The following ROBO1 variants were observed in gnomAD, a reference collection of about 807,000 sequenced individuals.
ROBO1 encodes the protein roundabout homolog 1.
Under a neutral mutation model 195.9 loss-of-function variants are expected in ROBO1, and 149 were observed. The ratio of observed to expected loss-of-function variants is 0.76; its 90% CI spans 0.67 to 0.87. The LOEUF (loss-of-function observed/expected upper bound fraction) is 0.87, where lower values mean the gene tolerates loss of function less well. Among genes scored for constraint, ROBO1 ranks in the 40% least tolerant of loss-of-function variants. ROBO1 has a pLI of 0.00. For synonymous variants in ROBO1, 816 were observed against 733.2 expected (o/e 1.11, Z -1.82); for missense variants, 1,933 against 2,068.3 (o/e 0.93, Z 1.27).
chr3:78,980,966 T>A (rs909106191), intron 3 of ROBO1, among the ~76,000 whole-genome samples: 8 of 152,168 alleles, frequency 5.3e-5, no homozygotes, highest in African/African-American at 1.9e-4. Context: ...GTCATCAAAG[T>A]CAGAGGATGA....
intron 2 of ROBO1, among the ~76,000 whole-genome samples, chr3:79,183,788 C>T (rs1048393332): frequency 6.6e-6 from 1 of 152,074 alleles, no homozygotes; most frequent in African/African-American, 2.4e-5. Flanking sequence ...ATGGGAATTC[C>T]CTGTAGCTAT....
intron 4 of ROBO1, among the ~76,000 whole-genome samples, chr3:78,892,346 C>A (rs2036953583): frequency 6.6e-6 from 1 of 152,162 alleles, no homozygotes; most frequent in Non-Finnish European, 1.5e-5. Flanking sequence ...AAACTGGTCC[C>A]TGATGCCAAA....
chr3:79,606,944 T>A lies in ROBO1; in HGVS notation c.-50-16983A>T, dbSNP rs1944504810. The stretch of plus-strand genomic sequence containing the variant: ...ATCAATGTAAGATATTCTAAGAATT[T>A]CTATACAGTAAGTCCCCGCTATTAG... On this transcript the variant is annotated intron_variant, in intron 1 of 30. Coordinates refer to ENST00000464233, the MANE Select transcript of ROBO1 (RefSeq NM_002941.4). 2.0e-5 allele frequency among the ~76,000 whole-genome samples: 3 copies of A among 152,018 alleles called. No homozygotes were observed. In the South Asian group the frequency reaches 6.2e-4, roughly 32 times the overall value.
At chr3:79,029,235 T>G (rs1048916129) in intron 3 of ROBO1, among the ~76,000 whole-genome samples, 1 of 152,064 alleles carries the variant, frequency 6.6e-6, no homozygotes, top group African/African-American at 2.4e-5. Flanking sequence ...ACAACAGGAG[T>G]TTGAAAGACT....
intron 2 of ROBO1, among the ~76,000 whole-genome samples, chr3:79,234,222 G>A (rs1010682401): frequency 2.0e-5 from 3 of 151,914 alleles, no homozygotes; most frequent in African/African-American, 7.3e-5. Context: ...TGTTTTTGTT[G>A]CAATTGCTTT....
intron 4 of ROBO1, among the ~76,000 whole-genome samples, chr3:78,863,992 G>A (rs1454432231): frequency 6.6e-6 from 1 of 152,172 alleles, no homozygotes; most frequent in Non-Finnish European, 1.5e-5. Context: ...AGTGCTAAGG[G>A]ATTACTGCCA....
Position 79,725,320 on chromosome 3 carries a change from G to A in ROBO1, c.-51+42432C>T, listed in dbSNP as rs112174251. On this transcript the variant is annotated intron_variant, in intron 1 of 30. Transcript: ENST00000464233. ...CGGCTCACTGCAAGCTCCGCCTCCC[G>A]GGTTCACGCCATTCTCCTGCCTCAG... is the stretch of plus-strand genomic sequence containing the variant. Among the ~76,000 whole-genome samples, 1,114 of 136,978 alleles carry A rather than the reference G, an allele frequency of 8.1e-3. 10 individuals carry two copies. Among genetic ancestry groups the A allele is most frequent in the African/African-American group, 0.027 (1,016 of 37,270 alleles). 89.9% of individuals were successfully genotyped at this position (136,978 alleles called of 152,430 possible).
intron 2 of ROBO1, among the ~76,000 whole-genome samples, chr3:79,447,629 T>C (rs2039306376): frequency 6.6e-6 from 1 of 152,210 alleles, no homozygotes; most frequent in Non-Finnish European, 1.5e-5. Flanking sequence ...GAGTACAGCA[T>C]GAATTAATTT....
chr3:79,086,238 C>T (rs1405520452), intron 3 of ROBO1, among the ~76,000 whole-genome samples: 4 of 150,968 alleles, frequency 2.6e-5, no homozygotes, highest in Non-Finnish European at 5.9e-5. Flanking sequence ...CTAATGTGGG[C>T]AACCAGATGG....
chr3:79,650,958 C>A (rs1945987320), intron 1 of ROBO1, among the ~76,000 whole-genome samples: 1 of 151,586 alleles, frequency 6.6e-6, no homozygotes, highest in Non-Finnish European at 1.5e-5. Context: ...CTTTTGATTC[C>A]TGAGTGTTTA....
chr3:78,884,878 G>A (rs2036452172), intron 4 of ROBO1, among the ~76,000 whole-genome samples: 1 of 151,730 alleles, frequency 6.6e-6, no homozygotes, highest in Non-Finnish European at 1.5e-5. Context: ...GTGTGTGTGT[G>A]TGTGTGTGTG....
At chr3:79,165,390 T>C (rs1248328115) in intron 2 of ROBO1, among the ~76,000 whole-genome samples, 1 of 152,208 alleles carries the variant, frequency 6.6e-6, no homozygotes, top group Non-Finnish European at 1.5e-5. Flanking sequence ...CTTTCAGCAT[T>C]AGAATAATTT....
intron 2 of ROBO1, among the ~76,000 whole-genome samples, chr3:79,413,121 G>C (rs1289087906): frequency 6.6e-6 from 1 of 151,474 alleles, no homozygotes. Context: ...AGCACATAAA[G>C]TTATTTTCAG....
rs149981927 is a variant in ROBO1, at chr3:78,848,498, G to A, written c.499+90103C>T. Among the ~76,000 whole-genome samples, 288 of 152,188 alleles carry A rather than the reference G, an allele frequency of 1.9e-3. 1 individual carries two copies. Among genetic ancestry groups the A allele is most frequent in the African/African-American group, 6.4e-3 (266 of 41,530 alleles). ...TAAGAAAGTATACAATGAGGTGCAGGTTGCTGTTATATAGGAGGTCAGGGA... is the reference window on the plus strand; with the variant it reads ...TAAGAAAGTATACAATGAGGTGCAGATTGCTGTTATATAGGAGGTCAGGGA... On this transcript the variant is annotated intron_variant, in intron 4 of 30. Transcript: ENST00000464233.
chr3:78,597,698 T>C lies in ROBO1; in HGVS notation c.*1215A>G, dbSNP rs959226490. On this transcript the variant is annotated 3_prime_UTR_variant, in exon 31 of 31. Coordinates refer to ENST00000464233, the MANE Select transcript of ROBO1 (RefSeq NM_002941.4). Reference sequence around the variant, plus strand: ...TAAGGAAATCTTGTAGGTTTCGACATTGGCCACAACAAACTTAAACCTCTT... The same window carrying C: ...TAAGGAAATCTTGTAGGTTTCGACACTGGCCACAACAAACTTAAACCTCTT... The C allele has an allele frequency of 2.0e-5, 3 of 152,402 alleles. No homozygotes were observed. Among genetic ancestry groups the C allele is most frequent in the Non-Finnish European group, 4.4e-5 (3 of 67,988 alleles). The allele number at this position is 152,402 out of a possible 1,614,324, so 9.4% of individuals were successfully genotyped here. A position where few individuals can be genotyped will look rare whatever the true frequency, so the allele number is the denominator to read the frequency against.
intron 2 of ROBO1, among the ~76,000 whole-genome samples, chr3:79,190,813 T>G (rs2081527071): frequency 6.6e-6 from 1 of 151,666 alleles, no homozygotes; most frequent in Non-Finnish European, 1.5e-5. Context: ...GCGGATTATG[T>G]TCTTCAATAA....
At chr3:78,639,650 T>G in intron 22 of ROBO1, 94 bp downstream of exon 22, 1 of 1,273,100 alleles carries the variant, frequency 7.9e-7, no homozygotes, top group East Asian at 2.4e-5. Context: ...CGGGTCAAAT[T>G]TTATCTTTCC....
rs945334409 is a variant in ROBO1 at position 79,639,400 on chromosome 3, T to G, written c.-50-49439A>C. ...TTTGAAGTGAGTAAAATATTCATAG[T>G]AATAATTATTAAATAAAATGTAAGA... is the stretch of plus-strand genomic sequence containing the variant. On this transcript the variant is annotated intron_variant, in intron 1 of 30. Coordinates refer to ENST00000464233, the MANE Select transcript of ROBO1 (RefSeq NM_002941.4). Among the ~76,000 whole-genome samples, 5 of 152,166 alleles carry G rather than the reference T, an allele frequency of 3.3e-5. No individual in the cohort carries two copies. The South Asian group carries it at 1.0e-3, about 32-fold the overall frequency.
intron 2 of ROBO1, among the ~76,000 whole-genome samples, chr3:79,577,547 A>C (rs148397619): frequency 6.6e-6 from 1 of 152,250 alleles, no homozygotes; most frequent in East Asian, 1.9e-4. Context: ...ATATTTGCTA[A>C]AAAGGTATTT....
Sources: gnomAD v4.1 joint callset for allele counts (sites outside exome capture counted in the v4.1 genomes callset) on GRCh38, gnomAD v4.1.1 for gene constraint, MANE v1.5 for transcripts, NCBI Gene and HGNC (gene_info 2026-07-23, HGNC 2026-07-21) for gene names.